Variants in CDH18 observed in about 807,000 individuals in gnomAD.
CDH18 encodes the protein cadherin-18.
CDH18 carries 31 observed loss-of-function variants against 67.9 expected under a neutral mutation model. The observed-to-expected ratio is 0.46, with a 90% CI of 0.34 to 0.62. The LOEUF is 0.62. Among genes scored for constraint, CDH18 ranks in the 20% least tolerant of loss-of-function variants. The pLI, the probability that CDH18 is intolerant of heterozygous loss-of-function variation, is 0.01. For missense variants in CDH18, 890 were observed against 975.5 expected (o/e 0.91, Z 1.17); for synonymous variants, 362 against 347.2 (o/e 1.04, Z -0.48).
At chr5:20,525,158 A>T (rs1755972209) in intron 1 of CDH18, among the ~76,000 whole-genome samples, 1 of 152,098 alleles carries the variant, frequency 6.6e-6, no homozygotes, top group South Asian at 2.1e-4. Flanking sequence ...CTTTGTAAGG[A>T]TATACTTCAT....
At chr5:19,968,111 A>T (rs1393723664) in intron 2 of CDH18, among the ~76,000 whole-genome samples, 2 of 151,844 alleles carry the variant, frequency 1.3e-5, no homozygotes, top group African/African-American at 2.4e-5. Context: ...AGAGAATAAA[A>T]TACCTAGGAA....
At chr5:19,740,069 T>C (rs140416576) in intron 4 of CDH18, among the ~76,000 whole-genome samples, 163 of 152,350 alleles carry the variant, frequency 1.1e-3, no homozygotes, top group East Asian at 7.7e-3. Flanking sequence ...ATCTCCTTTT[T>C]GTAGCTGCAA....
intron 1 of CDH18, among the ~76,000 whole-genome samples, chr5:20,379,226 A>G (rs1743709210): frequency 6.6e-6 from 1 of 152,214 alleles, no homozygotes; most frequent in Non-Finnish European, 1.5e-5. Context: ...GTTTGCTTAT[A>G]TTATGTAGCT....
chr5:19,781,379 C>T (rs1446418936), intron 3 of CDH18, among the ~76,000 whole-genome samples: 2 of 151,876 alleles, frequency 1.3e-5, no homozygotes, highest in African/African-American at 4.8e-5. Flanking sequence ...GTACCACTAG[C>T]CCTACAAAAG....
chr5:19,492,916 G>A (rs1741704054), intron 11 of CDH18, among the ~76,000 whole-genome samples: 1 of 152,064 alleles, frequency 6.6e-6, no homozygotes, highest in African/African-American at 2.4e-5. Flanking sequence ...TCTTATACTG[G>A]AGTACAGAAT....
chr5:19,866,220 A>G (rs1201351165), intron 2 of CDH18, among the ~76,000 whole-genome samples: 2 of 152,206 alleles, frequency 1.3e-5, no homozygotes, highest in Non-Finnish European at 2.9e-5. Context: ...AAACTCTGAG[A>G]GCAATCAGTC....
At chr5:19,588,037 CTT>C (rs1355801293) in intron 7 of CDH18, among the ~76,000 whole-genome samples, 3 of 151,946 alleles carry the variant, frequency 2.0e-5, no homozygotes, top group Non-Finnish European at 2.9e-5. Context: ...GTATTTTACT[CTT>C]TTTGTGGTGA....
chr5:19,523,340 T>C (rs1404745706), intron 9 of CDH18, among the ~76,000 whole-genome samples: 3 of 152,132 alleles, frequency 2.0e-5, no homozygotes, highest in Non-Finnish European at 4.4e-5. Flanking sequence ...ATAAATTTGA[T>C]TGCACTAAAA....
intron 2 of CDH18, among the ~76,000 whole-genome samples, chr5:19,885,514 A>G (rs1195733706): frequency 6.6e-6 from 1 of 152,196 alleles, no homozygotes; most frequent in Non-Finnish European, 1.5e-5. Flanking sequence ...TACATCTTAA[A>G]TTGCCAAACA....
At chr5:20,152,196 A>G (rs1751176528) in intron 2 of CDH18, among the ~76,000 whole-genome samples, 1 of 106,098 alleles carries the variant, frequency 9.4e-6, no homozygotes, top group South Asian at 3.1e-4. Context: ...TATAATATAT[A>G]TAATTATATA....
At chr5:19,719,712 C>A (rs1030331374) in intron 5 of CDH18, among the ~76,000 whole-genome samples, 1 of 151,756 alleles carries the variant, frequency 6.6e-6, no homozygotes, top group African/African-American at 2.4e-5. Flanking sequence ...ATCCCAATAT[C>A]TATTTTTCAC....
At chr5:20,259,209 T>A (rs545963762) in intron 1 of CDH18, among the ~76,000 whole-genome samples, 3 of 152,216 alleles carry the variant, frequency 2.0e-5, no homozygotes, top group African/African-American at 7.2e-5. Flanking sequence ...CCCTCAGCCC[T>A]CTGAGGGAGG....
chr5:19,970,863 G>A lies in CDH18; in HGVS notation c.-257+10197C>T, dbSNP rs536545368. Among the ~76,000 whole-genome samples, 303 of 151,564 alleles carry A rather than the reference G, an allele frequency of 2.0e-3. 3 individuals are homozygous for A. The highest frequency in any genetic ancestry group is 7.0e-3 in the African/African-American group (292 of 41,468). ...ATAGAATTTTAGTGAAAACTAACTT[G>A]TTGACATATATAGGTAATACAGAAA... On this transcript the variant is annotated intron_variant, in intron 2 of 12. Coordinates refer to ENST00000382275, the MANE Select transcript of CDH18 (RefSeq NM_004934.5).
At chr5:19,802,699 G>C (rs558706244) in intron 3 of CDH18, among the ~76,000 whole-genome samples, 1 of 152,286 alleles carries the variant, frequency 6.6e-6, no homozygotes, top group Non-Finnish European at 1.5e-5. Flanking sequence ...TCAAGGGGCA[G>C]ATTTTGCCTC....
chr5:19,726,801 A>G (rs1343276275), intron 4 of CDH18, among the ~76,000 whole-genome samples: 1 of 152,184 alleles, frequency 6.6e-6, no homozygotes, highest in East Asian at 1.9e-4. Flanking sequence ...TCAAATTCAT[A>G]TGTTGAAATC....
intron 2 of CDH18, among the ~76,000 whole-genome samples, chr5:20,007,314 A>G (rs1736983917): frequency 6.6e-6 from 1 of 152,028 alleles, no homozygotes; most frequent in South Asian, 2.1e-4. Context: ...TGGAATAAAG[A>G]TGCTGATCTG....
intron 2 of CDH18, among the ~76,000 whole-genome samples, chr5:20,178,026 T>C (rs928880992): frequency 6.6e-6 from 1 of 152,144 alleles, no homozygotes; most frequent in African/African-American, 2.4e-5. Context: ...CTCCTTAATG[T>C]GAGTGGACTT....
At chr5:20,256,966 CTATCTATATCTA>C (rs149817912) in intron 1 of CDH18, among the ~76,000 whole-genome samples, 1 of 106,438 alleles carries the variant, frequency 9.4e-6, no homozygotes, top group South Asian at 3.4e-4. Flanking sequence ...TCTATCTAAT[CTATCTATATCTA>C]TATCTATATC....
intron 2 of CDH18, among the ~76,000 whole-genome samples, chr5:19,906,402 A>G (rs1790541888): frequency 6.6e-6 from 1 of 152,012 alleles, no homozygotes; most frequent in African/African-American, 2.4e-5. Flanking sequence ...GAATATGTCT[A>G]TACTGGATCT....
Sources: allele counts gnomAD v4.1 joint callset (sites outside exome capture counted in the v4.1 genomes callset), GRCh38; gene constraint gnomAD v4.1.1; transcripts MANE v1.5; gene names NCBI Gene and HGNC (gene_info 2026-07-23, HGNC 2026-07-21).